Variants in TJP1 observed in about 807,000 individuals in gnomAD.
TJP1 encodes the protein tight junction protein 1, also known as tight junction protein ZO-1.
A neutral mutation model predicts 194.2 loss-of-function variants in TJP1; 43 were observed. The observed-to-expected ratio is 0.22, with a 90% CI of 0.17 to 0.29. The LOEUF (loss-of-function observed/expected upper bound fraction) is 0.29, where lower values mean the gene tolerates loss of function less well. TJP1 is among the 10% of genes least tolerant of loss of function. TJP1 has a pLI of 1.00. For missense variants in TJP1, 1,971 were observed against 2,185.7 expected, an observed-to-expected ratio of 0.90 and a Z score of 1.96; for synonymous variants, 801 against 779.0, an observed-to-expected ratio of 1.03 and a Z score of -0.47.
At chr15:29,949,266 C>A (rs374439924) in intron 2 of TJP1, among the ~76,000 whole-genome samples, 1 of 91,254 alleles carries the variant, frequency 1.1e-5, no homozygotes, top group African/African-American at 4.9e-5. Flanking sequence ...TCCACCACCA[C>A]CACCTCCATC....
chr15:29,915,801 ACTTT>A (rs2054165567), intron 2 of TJP1, among the ~76,000 whole-genome samples: 1 of 152,098 alleles, frequency 6.6e-6, no homozygotes, highest in Non-Finnish European at 1.5e-5. Context: ...GTATGTAGCT[ACTTT>A]CTTTGTTTTG....
Position 29,733,312 on chromosome 15 carries a change from A to T in TJP1, c.1518T>A (p.Val506=), listed in dbSNP as rs2043796107. 6.3e-7 allele frequency: 1 copy of T among 1,596,306 alleles called. No individual in the cohort carries two copies. The highest frequency in any genetic ancestry group is 1.7e-5 in the Admixed American group (1 of 58,998). The change falls in exon 13 of 28, where the codon GTT becomes GTA. Residue 506 remains valine (V), a splice_region_variant and synonymous_variant. Transcript: ENST00000614355. ...CATCTGATTCTACAATGCGACGATA[A>T]ACTAAAAGGAATAAAAACAAACACA... The part of the protein sequence containing the change: ...VTILAQKKKD[V]YRRIVESDVG...
At chr15:29,739,011 T>A (rs971023286) in intron 10 of TJP1, among the ~76,000 whole-genome samples, 3 of 151,916 alleles carry the variant, frequency 2.0e-5, no homozygotes, top group South Asian at 2.1e-4. Flanking sequence ...ACCATTATAC[T>A]CTAGCCTGGG....
At chr15:29,701,802 C>G (rs533904718) in intron 27 of TJP1, 113 bp from the exon 28 acceptor site, 1 of 727,766 alleles carries the variant, frequency 1.4e-6, no homozygotes, top group South Asian at 1.9e-5. Flanking sequence ...TCTGTTTCTT[C>G]AGCATATTGA....
chr15:29,800,589 T>A, intron 2 of TJP1, 57 bp downstream of exon 2: 1 of 1,570,070 alleles, frequency 6.4e-7, no homozygotes, highest in Non-Finnish European at 8.7e-7. Context: ...TCTATTGTTT[T>A]CAAAGCTGCC....
upstream of TJP1, chr15:29,824,080 T>A (rs1314577020): frequency 1.4e-4 from 1 of 7,040 alleles, no homozygotes; most frequent in African/African-American, 4.4e-4. Context: ...AGACTCTGTC[T>A]CAAAAAAAAA....
At chr15:29,743,225 A>G (rs1208737842) in intron 8 of TJP1, among the ~76,000 whole-genome samples, 2 of 152,218 alleles carry the variant, frequency 1.3e-5, no homozygotes, top group Non-Finnish European at 2.9e-5. Context: ...GTAAGACTCA[A>G]TGAAGCCACA....
chr15:29,798,054 A>C (rs2048530727), intron 2 of TJP1, among the ~76,000 whole-genome samples: 1 of 152,062 alleles, frequency 6.6e-6, no homozygotes, highest in African/African-American at 2.4e-5. Context: ...GCTCATTGCA[A>C]CCTCCATCTA....
At chr15:29,922,048 T>C (rs868253593) in intron 2 of TJP1, among the ~76,000 whole-genome samples, 6 of 152,134 alleles carry the variant, frequency 3.9e-5, no homozygotes, top group Non-Finnish European at 8.8e-5. Flanking sequence ...GGTTTCACCA[T>C]GTTGATCAGG....
Position 29,704,169 on chromosome 15 carries a change from G to A in TJP1, c.5205C>T (p.Ser1735=). 1 of 1,558,374 alleles carries A rather than the reference G, an allele frequency of 6.4e-7. No individual in the cohort carries two copies. Among genetic ancestry groups the A allele is most frequent in the Non-Finnish European group, 8.7e-7 (1 of 1,150,032 alleles). ...GWSFALKSSD[S]SSGDPKTWQN... ...AGAGTGAAGACAGCATACCCGACGAGGAGTCGGATGATTTTAGAGCAAAAG... is the reference window on the plus strand; with the variant it reads ...AGAGTGAAGACAGCATACCCGACGAAGAGTCGGATGATTTTAGAGCAAAAG... The change falls in exon 27 of 28, where the codon TCC becomes TCT. Residue 1735 remains serine, a synonymous_variant. Coordinates refer to ENST00000614355, the MANE Select transcript of TJP1 (RefSeq NM_001330239.4).
At chr15:29,722,654 G>T (rs2043004111) in intron 18 of TJP1, among the ~76,000 whole-genome samples, 1 of 152,194 alleles carries the variant, frequency 6.6e-6, no homozygotes, top group African/African-American at 2.4e-5. Flanking sequence ...CTGCCTAGTG[G>T]AGCTGTGAGA....
At chr15:29,780,471 A>C (rs1366389534) in intron 2 of TJP1, among the ~76,000 whole-genome samples, 1 of 152,096 alleles carries the variant, frequency 6.6e-6, no homozygotes, top group Admixed American at 6.6e-5. Flanking sequence ...GGGTGGCTGC[A>C]CATACAGGTG....
intron 2 of TJP1, among the ~76,000 whole-genome samples, chr15:29,897,528 G>A (rs1358636923): frequency 6.6e-6 from 1 of 152,190 alleles, no homozygotes; most frequent in Non-Finnish European, 1.5e-5. Flanking sequence ...GTGGAGCTGT[G>A]AGAAGAGGAC....
At chr15:29,860,069 T>G (rs1439678239) in intron 2 of TJP1, among the ~76,000 whole-genome samples, 1 of 152,200 alleles carries the variant, frequency 6.6e-6, no homozygotes, top group Non-Finnish European at 1.5e-5. Flanking sequence ...TCAGCCTCTC[T>G]GCATTCTTAC....
Position 29,716,777 on chromosome 15 carries a change from A to G in TJP1, c.4036T>C (p.Tyr1346His), listed in dbSNP as rs2042592809. Residue 1346 changes from tyrosine to histidine, a missense_variant, in exon 23 of 28, where the codon TAT becomes CAT. This residue lies in a region of TJP1 where 1,108 missense variants were observed against 1,128.5 expected (regional missense o/e 0.98). Transcript: ENST00000614355. ...PPEDIVRSNH[Y>H]DPEEDEEYYR... ...TATTCTTCATCTTCTTCAGGGTCATAATGATTGGACCGAACAATATCTTCA... is the reference window on the plus strand; with the variant it reads ...TATTCTTCATCTTCTTCAGGGTCATGATGATTGGACCGAACAATATCTTCA... The G allele has an allele frequency of 1.9e-6, 3 of 1,614,118 alleles. No homozygotes were observed. In the East Asian group the frequency reaches 6.7e-5, roughly 36 times the overall value.
chr15:29,879,359 T>A (rs914770019), intron 2 of TJP1, among the ~76,000 whole-genome samples: 1 of 152,218 alleles, frequency 6.6e-6, no homozygotes, highest in Non-Finnish European at 1.5e-5. Flanking sequence ...GAGCTGGTTT[T>A]CACCACCAGT....
intron 2 of TJP1, among the ~76,000 whole-genome samples, chr15:29,841,778 A>C (rs1338795933): frequency 6.6e-6 from 1 of 151,554 alleles, no homozygotes; most frequent in Non-Finnish European, 1.5e-5. Flanking sequence ...ATTTATCATA[A>C]AAAATACAAC....
At chr15:29,766,037 C>T (rs1270628066) in intron 5 of TJP1, among the ~76,000 whole-genome samples, 1 of 152,188 alleles carries the variant, frequency 6.6e-6, no homozygotes, top group Non-Finnish European at 1.5e-5. Flanking sequence ...ATTCTCATCA[C>T]AACAAATCCA....
At chr15:29,712,807 AT>A (rs2042320816) in intron 23 of TJP1, among the ~76,000 whole-genome samples, 1 of 150,788 alleles carries the variant, frequency 6.6e-6, no homozygotes, top group Non-Finnish European at 1.5e-5. Context: ...GACATGTCCC[AT>A]TAAAAAAAAA....
Sources: allele counts gnomAD v4.1 joint callset (sites outside exome capture counted in the v4.1 genomes callset), GRCh38; gene constraint gnomAD v4.1.1; regional missense constraint gnomAD v4.1.1; transcripts MANE v1.5; gene names NCBI Gene and HGNC (gene_info 2026-07-23, HGNC 2026-07-21).